MALRD1: variants seen among roughly 807,000 people sequenced by gnomAD.
MALRD1 encodes MAM and LDL-receptor class A domain-containing protein 1.
A neutral mutation model predicts 242.1 loss-of-function variants in MALRD1; 247 were observed. The ratio of observed to expected loss-of-function variants is 1.02; its 90% CI spans 0.92 to 1.13. MALRD1 has a LOEUF of 1.13. Among genes scored for constraint, MALRD1 ranks in the 50% most tolerant of loss-of-function variants. The pLI, the probability that MALRD1 is intolerant of heterozygous loss-of-function variation, is 0.00. For synonymous variants in MALRD1, 995 were observed against 866.6 expected (o/e 1.15, Z -2.60); for missense variants, 2,989 against 2,533.1 (o/e 1.18, Z -3.86).
intron 19 of MALRD1, 69 bp downstream of exon 19, chr10:19,257,840 A>C (rs1364211253): frequency 9.4e-7 from 1 of 1,066,912 alleles, no homozygotes; most frequent in Non-Finnish European, 1.3e-6. Flanking sequence ...CAAGGAAATC[A>C]ATATTTCATT....
intron 13 of MALRD1, among the ~76,000 whole-genome samples, chr10:19,172,664 C>T (rs982490605): frequency 2.0e-5 from 3 of 151,368 alleles, no homozygotes; most frequent in Admixed American, 6.6e-5. Context: ...CTCAAACTGT[C>T]GTTTTTTTTC....
At chr10:19,365,239 C>T (rs770540412) in intron 26 of MALRD1, among the ~76,000 whole-genome samples, 9 of 152,050 alleles carry the variant, frequency 5.9e-5, no homozygotes, top group Non-Finnish European at 1.3e-4. Flanking sequence ...GTTCTGCCTT[C>T]TCAGATTATT....
chr10:19,597,805 C>CT (rs1012263906), intron 34 of MALRD1, among the ~76,000 whole-genome samples: 13 of 152,158 alleles, frequency 8.5e-5, no homozygotes, highest in Admixed American at 8.5e-4. Flanking sequence ...CTCTATGGTG[C>CT]TAGGGATTCT....
intron 21 of MALRD1, among the ~76,000 whole-genome samples, chr10:19,297,896 A>G (rs1490832519): frequency 6.6e-6 from 1 of 151,974 alleles, no homozygotes; most frequent in African/African-American, 2.4e-5. Flanking sequence ...ATAGAATTTC[A>G]TCAAGCAAAG....
At chr10:19,247,330 A>G (rs1839103399) in intron 18 of MALRD1, among the ~76,000 whole-genome samples, 1 of 152,118 alleles carries the variant, frequency 6.6e-6, no homozygotes, top group African/African-American at 2.4e-5. Context: ...CATTCATCAC[A>G]TTAAGAAATC....
At chr10:19,704,503 C>G (rs146581746) in intron 38 of MALRD1, among the ~76,000 whole-genome samples, 8 of 152,178 alleles carry the variant, frequency 5.3e-5, no homozygotes, top group South Asian at 2.1e-4. Flanking sequence ...AAGGGCCCCA[C>G]CTCCTAATGC....
chr10:19,508,008 G>A (rs1833218220), intron 31 of MALRD1, among the ~76,000 whole-genome samples: 2 of 151,058 alleles, frequency 1.3e-5, no homozygotes, highest in South Asian at 2.1e-4. Context: ...TGACATTGTA[G>A]CAAAGGGGGA....
At chr10:19,282,182 G>C (rs978266339) in intron 20 of MALRD1, among the ~76,000 whole-genome samples, 43 of 152,026 alleles carry the variant, frequency 2.8e-4, no homozygotes, top group African/African-American at 1.0e-3. Context: ...AGATATATTG[G>C]ATCCTAAATC....
rs550640970 is a variant in MALRD1, at chr10:19,619,634, A to G, written c.6137+3711A>G. ...AGGAAAGAAAGGAATAAATAATAGC[A>G]CAACAGATCAGTTGCTTTTCTGAAA... On this transcript the variant is annotated intron_variant, in intron 36 of 39. Coordinates refer to ENST00000454679, the MANE Select transcript of MALRD1 (RefSeq NM_001142308.3). Among the ~76,000 whole-genome samples, 5 of 152,234 alleles carry G rather than the reference A, an allele frequency of 3.3e-5. No homozygotes were observed. In the South Asian group the frequency reaches 1.0e-3, roughly 32 times the overall value.
intron 36 of MALRD1, among the ~76,000 whole-genome samples, chr10:19,684,202 T>C (rs1842484771): frequency 6.6e-6 from 1 of 152,178 alleles, no homozygotes; most frequent in African/African-American, 2.4e-5. Flanking sequence ...CTCCATCAGA[T>C]TGCACCCTTT....
At chr10:19,277,047 G>A (rs992418025) in intron 19 of MALRD1, among the ~76,000 whole-genome samples, 3 of 152,024 alleles carry the variant, frequency 2.0e-5, no homozygotes, top group Non-Finnish European at 2.9e-5. Flanking sequence ...AGCCTCCCAA[G>A]TAGTTGGAAC....
chr10:19,616,869 A>T (rs186208430), intron 36 of MALRD1, among the ~76,000 whole-genome samples: 73 of 152,008 alleles, frequency 4.8e-4, no homozygotes, highest in African/African-American at 1.7e-3. Flanking sequence ...GTTTCTTGGA[A>T]CTCTTTTCTC....
rs1408283921 is a variant in MALRD1 at position 19,491,578 on chromosome 10, C to T, written c.5091C>T (p.Cys1697=). The T allele has an allele frequency of 1.3e-6, 2 of 1,550,154 alleles. No homozygotes were observed. Among genetic ancestry groups the T allele is most frequent in the African/African-American group, 1.4e-5 (1 of 73,164 alleles). The change falls in exon 30 of 40, where the codon TGC becomes TGT. Residue 1697 remains cysteine, a synonymous_variant. Transcript: ENST00000454679. ...ITDFLCRDKK[C]IASHLLCDYK... ...ATTTTTTGTGCCGGGACAAGAAGTG[C>T]ATTGCATCCCACCTTCTTTGTGACT...
chr10:19,214,768 G>T (rs546967908), intron 18 of MALRD1, among the ~76,000 whole-genome samples: 3 of 152,268 alleles, frequency 2.0e-5, no homozygotes, highest in South Asian at 2.1e-4. Context: ...GAAACAAAAA[G>T]AAGTCAGAAG....
chr10:19,329,754 T>G (rs1843286853), intron 23 of MALRD1, among the ~76,000 whole-genome samples: 1 of 152,200 alleles, frequency 6.6e-6, no homozygotes, highest in African/African-American at 2.4e-5. Flanking sequence ...GACTATATTC[T>G]GTCTGAAGAA....
At chr10:19,316,182 T>A (rs1842700000) in intron 21 of MALRD1, among the ~76,000 whole-genome samples, 1 of 151,258 alleles carries the variant, frequency 6.6e-6, no homozygotes, top group African/African-American at 2.4e-5. Context: ...TGCAGGTAAA[T>A]ATACATGTTC....
intron 18 of MALRD1, among the ~76,000 whole-genome samples, chr10:19,224,088 G>A (rs932724739): frequency 3.3e-5 from 5 of 152,036 alleles, no homozygotes; most frequent in African/African-American, 1.2e-4. Flanking sequence ...TAGGTCAAAT[G>A]GTATTTCTAG....
intron 38 of MALRD1, among the ~76,000 whole-genome samples, chr10:19,700,984 C>CA (rs1344227639): frequency 1.3e-5 from 2 of 151,880 alleles, no homozygotes; most frequent in African/African-American, 4.8e-5. Flanking sequence ...CCCACCTCTA[C>CA]AAAAAAATAC....
At chr10:19,361,989 C>T (rs1378115684) in intron 26 of MALRD1, among the ~76,000 whole-genome samples, 1 of 152,010 alleles carries the variant, frequency 6.6e-6, no homozygotes, top group Non-Finnish European at 1.5e-5. Flanking sequence ...TAGGACCCTT[C>T]CAGGCTTGGT....
Sources: gnomAD v4.1 joint callset for allele counts (sites outside exome capture counted in the v4.1 genomes callset) on GRCh38, gnomAD v4.1.1 for gene constraint, MANE v1.5 for transcripts, NCBI Gene and HGNC (gene_info 2026-07-23, HGNC 2026-07-21) for gene names.